LRIG3: variants seen among roughly 807,000 people sequenced by gnomAD.
LRIG3 encodes the protein leucine rich repeats and immunoglobulin like domains 3.
LRIG3 carries 76 observed loss-of-function variants against 114.5 expected under a neutral mutation model. The observed-to-expected ratio is 0.66, with a 90% CI of 0.55 to 0.80. The LOEUF (loss-of-function observed/expected upper bound fraction) is 0.80. Among genes scored for constraint, LRIG3 ranks in the 30% least tolerant of loss-of-function variants. The probability of loss-of-function intolerance (pLI) is 0.00; values close to 1 mark genes in which losing one functional copy is unlikely to be tolerated. For synonymous variants in LRIG3, 512 were observed against 519.8 expected (o/e 0.98, Z 0.20); for missense variants, 1,239 against 1,382.8 (o/e 0.90, Z 1.65).
intron 3 of LRIG3, chr12:58,913,393 A>G (rs1156475967): frequency 1.3e-5 from 2 of 152,286 alleles, no homozygotes; most frequent in African/African-American, 4.8e-5. Context: ...CACTAAAAAT[A>G]CAGAAAACTT....
chr12:58,905,881 C>T (rs1182041508), intron 3 of LRIG3, among the ~76,000 whole-genome samples: 3 of 152,138 alleles, frequency 2.0e-5, no homozygotes, highest in Non-Finnish European at 4.4e-5. Flanking sequence ...GAAATAAATT[C>T]CTTTTCTTCA....
At chr12:58,878,011 G>A (rs1308766567) in intron 14 of LRIG3, among the ~76,000 whole-genome samples, 159 bp from the exon 15 acceptor site, 1 of 152,078 alleles carries the variant, frequency 6.6e-6, no homozygotes, top group African/African-American at 2.4e-5. Flanking sequence ...ACAACATTCA[G>A]TATTTCACTA....
Position 58,882,794 on chromosome 12 carries a change from A to C in LRIG3, c.1480+75T>G, listed in dbSNP as rs1459945781. The stretch of plus-strand genomic sequence containing the variant: ...TTATAAAGAGATCATAAATCTATTC[A>C]AAACCATTATTTGGATAAATGGGAG... On this transcript the variant is annotated intron_variant, in intron 12 of 18. Coordinates refer to ENST00000320743, the MANE Select transcript of LRIG3 (RefSeq NM_153377.5). 4 of 1,461,866 alleles carry C rather than the reference A, an allele frequency of 2.7e-6. No homozygotes were observed. In the African/African-American group the frequency reaches 5.7e-5, roughly 21 times the overall value. 90.6% of individuals were successfully genotyped at this position (1,461,866 alleles called of 1,614,324 possible).
chr12:58,885,364 C>A (rs1592297508), intron 10 of LRIG3, among the ~76,000 whole-genome samples: 1 of 152,154 alleles, frequency 6.6e-6, no homozygotes, highest in African/African-American at 2.4e-5. Flanking sequence ...AAAGCCAAGT[C>A]ATCTCCTTTA....
chr12:58,915,101 T>A (rs758510139), intron 1 of LRIG3, among the ~76,000 whole-genome samples: 1 of 152,182 alleles, frequency 6.6e-6, no homozygotes, highest in Non-Finnish European at 1.5e-5. Flanking sequence ...CTCATACATA[T>A]ACAATACTCT....
At chr12:58,874,632 C>T (rs909509051) in intron 16 of LRIG3, 59 bp from the exon 17 acceptor site, 21 of 1,596,988 alleles carry the variant, frequency 1.3e-5, no homozygotes, top group Non-Finnish European at 1.6e-5. Flanking sequence ...CAACATTCTC[C>T]CCAGTTTTGG....
chr12:58,902,969 T>C (rs140182123), intron 3 of LRIG3, among the ~76,000 whole-genome samples: 1 of 152,162 alleles, frequency 6.6e-6, no homozygotes. Flanking sequence ...CAGTCTATCA[T>C]TGTTGGACAC....
chr12:58,919,159 AAG>A (rs1242004667), intron 1 of LRIG3, among the ~76,000 whole-genome samples: 1 of 146,954 alleles, frequency 6.8e-6, no homozygotes, highest in Non-Finnish European at 1.5e-5. Flanking sequence ...TGAGGAAGAA[AAG>A]AGATGACATT....
chr12:58,913,852 G>A (rs566413346), intron 3 of LRIG3, 130 bp downstream of exon 3: 11 of 691,560 alleles, frequency 1.6e-5, no homozygotes, highest in Non-Finnish European at 2.1e-5. Context: ...AATTTAAAGC[G>A]CGTATCTTTA....
chr12:58,919,510 AG>A, intron 1 of LRIG3: 1 of 1,551,486 alleles, frequency 6.4e-7, no homozygotes, highest in Non-Finnish European at 8.7e-7. Flanking sequence ...AATTCTGTTG[AG>A]GGGGCTTCCC....
Position 58,907,738 on chromosome 12 carries a change from G to A in LRIG3, c.383+6244C>T, listed in dbSNP as rs189075272. ...ACAGGTTAGTAGTGTGAGACGAGAC[G>A]AAAACCTGTGCATCTGTGAGTCCAA... On this transcript the variant is annotated intron_variant, in intron 3 of 18. Transcript: ENST00000320743. 1.7e-3 allele frequency among the ~76,000 whole-genome samples: 253 copies of A among 152,284 alleles called. 1 individual carries two copies. The highest frequency in any genetic ancestry group is 4.5e-3 in the African/African-American group (185 of 41,552).
chr12:58,914,344 A>G lies in LRIG3; in HGVS notation c.237-8T>C. ...CTGTTGTGACTTAAGTCCCTATAAGAAAACAAAAATAAAATTATAAGTCAT... is the reference window on the plus strand; with the variant it reads ...CTGTTGTGACTTAAGTCCCTATAAGGAAACAAAAATAAAATTATAAGTCAT... On this transcript the variant is annotated splice_polypyrimidine_tract_variant and splice_region_variant and intron_variant, in intron 1 of 18. Coordinates refer to ENST00000320743, the MANE Select transcript of LRIG3 (RefSeq NM_153377.5). 1 of 1,606,432 alleles carries G rather than the reference A, an allele frequency of 6.2e-7. No individual in the cohort carries two copies. Among genetic ancestry groups the G allele is most frequent in the Non-Finnish European group, 8.5e-7 (1 of 1,174,244 alleles).
In LRIG3 at chr12:58,890,278, G is replaced by C. The variant is rs185648291; in HGVS notation, c.516-139C>G. On this transcript the variant is annotated intron_variant, in intron 4 of 18. Coordinates refer to ENST00000320743, the MANE Select transcript of LRIG3 (RefSeq NM_153377.5). ...AAATAATTACTTTTTAGGTCCTCAA[G>C]GACAGATGTTAAGATTCACACATAT... 4.6e-5 allele frequency: 42 copies of C among 906,484 alleles called. 1 individual carries two copies. The African/African-American group carries it at 5.2e-4, about 11-fold the overall frequency. 56.2% of individuals were successfully genotyped at this position (906,484 alleles called of 1,614,324 possible).
chr12:58,899,849 C>T (rs1871780918), intron 3 of LRIG3, among the ~76,000 whole-genome samples: 1 of 152,100 alleles, frequency 6.6e-6, no homozygotes, highest in East Asian at 1.9e-4. Context: ...GACAAAATGG[C>T]CACATGTCAG....
At chr12:58,881,029 A>G in intron 12 of LRIG3, 128 bp from the exon 13 acceptor site, 3 of 816,878 alleles carry the variant, frequency 3.7e-6, no homozygotes, top group Non-Finnish European at 5.9e-6. Context: ...TGTTTTCCAG[A>G]TGGACTAGCC....
Position 58,920,432 on chromosome 12 carries a change from C to T in LRIG3, c.-197G>A, listed in dbSNP as rs1243500675. ...TGCCCCCAAACAGCAGGAGGGAAAC[C>T]GAAAAGAACTGCCAACTGCAACAGA... is the stretch of plus-strand genomic sequence containing the variant. On this transcript the variant is annotated 5_prime_UTR_variant, in exon 1 of 19. Transcript: ENST00000320743. The T allele has an allele frequency of 9.7e-6, 4 of 413,772 alleles. No homozygotes were observed. The East Asian group carries it at 1.1e-4, about 12-fold the overall frequency. 25.6% of individuals were successfully genotyped at this position (413,772 alleles called of 1,614,324 possible). A position where few individuals can be genotyped will look rare whatever the true frequency, so the allele number is the denominator to read the frequency against.
intron 14 of LRIG3, 124 bp from the exon 15 acceptor site, chr12:58,877,976 C>T: frequency 3.2e-6 from 3 of 938,680 alleles, no homozygotes; most frequent in South Asian, 1.8e-5. Context: ...TTACTGGACA[C>T]ACTTTTCTAA....
intron 1 of LRIG3, among the ~76,000 whole-genome samples, chr12:58,918,261 A>C (rs1209122900): frequency 6.6e-6 from 1 of 152,240 alleles, no homozygotes; most frequent in Non-Finnish European, 1.5e-5. Flanking sequence ...CTAACCAAAT[A>C]AACTCTAATT....
chr12:58,919,779 C>T (rs564517643), intron 1 of LRIG3, among the ~76,000 whole-genome samples: 1 of 152,288 alleles, frequency 6.6e-6, no homozygotes, highest in East Asian at 1.9e-4. Context: ...CCAGTTAGGA[C>T]GCGCCAAGAG....
Sources: allele counts gnomAD v4.1 joint callset (sites outside exome capture counted in the v4.1 genomes callset), GRCh38; gene constraint gnomAD v4.1.1; transcripts MANE v1.5; gene names NCBI Gene and HGNC (gene_info 2026-07-23, HGNC 2026-07-21).